Variants in SDK2 observed in about 807,000 individuals in gnomAD.
SDK2 encodes protein sidekick-2.
A neutral mutation model predicts 253.9 loss-of-function variants in SDK2; 105 were observed. The ratio of observed to expected loss-of-function variants is 0.41; its 90% CI spans 0.35 to 0.49. The LOEUF is 0.49. SDK2 is among the 20% of genes least tolerant of loss of function. The probability of loss-of-function intolerance (pLI) is 0.06; values close to 1 mark genes in which losing one functional copy is unlikely to be tolerated. For synonymous variants in SDK2, 1,249 were observed against 1,234.9 expected (o/e 1.01, Z -0.24); for missense variants, 2,608 against 3,003.0 (o/e 0.87, Z 3.07).
At chr17:73,382,509 G>A (rs2062839086) in intron 33 of SDK2, among the ~76,000 whole-genome samples, 2 of 151,880 alleles carry the variant, frequency 1.3e-5, no homozygotes, top group African/African-American at 4.8e-5. Context: ...TGAGCCACTG[G>A]GAAAACCTCA....
intron 1 of SDK2, among the ~76,000 whole-genome samples, chr17:73,608,875 AG>A (rs1483050270): frequency 1.1e-4 from 16 of 152,222 alleles, no homozygotes; most frequent in Non-Finnish European, 1.3e-4. Flanking sequence ...AGGTGACTGC[AG>A]TGGCTCAGGA....
At chr17:73,367,255 C>G (rs1434969131) in intron 37 of SDK2, among the ~76,000 whole-genome samples, 3 of 151,598 alleles carry the variant, frequency 2.0e-5, no homozygotes, top group Non-Finnish European at 4.4e-5. Context: ...ATGATCCACC[C>G]ACCTCGGCCT....
intron 1 of SDK2, among the ~76,000 whole-genome samples, chr17:73,522,018 C>G (rs755308920): frequency 6.6e-6 from 1 of 152,232 alleles, no homozygotes; most frequent in Non-Finnish European, 1.5e-5. Context: ...CACGGCCTCA[C>G]TTTACAGAGG....
rs1189267952 is a variant in SDK2, at chr17:73,394,229, C to T, written c.3688G>A (p.Gly1230Arg). Residue 1230 changes from glycine to arginine, a missense_variant, in exon 26 of 45, where the codon GGG (glycine) becomes AGG (arginine). By Grantham distance (125) the Gly-to-Arg change is moderately radical. Coordinates refer to ENST00000392650, the MANE Select transcript of SDK2 (RefSeq NM_001144952.2). The part of the protein sequence containing the change: ...WSEVPEADRN[G>R]LVLGYKVMYK... ...CTCACCTTATAGCCCAGCACGAGCC[C>T]GTTGCGATCAGCCTCGGGGACCTCG... is the stretch of plus-strand genomic sequence containing the variant. 4 of 1,588,776 alleles carry T rather than the reference C, an allele frequency of 2.5e-6. No individual in the cohort carries two copies. The highest frequency in any genetic ancestry group is 1.3e-5 in the African/African-American group (1 of 74,586).
chr17:73,516,640 T>G (rs1349674018), intron 1 of SDK2: 1 of 152,324 alleles, frequency 6.6e-6, no homozygotes, highest in Non-Finnish European at 1.5e-5. Flanking sequence ...GCTGCCTGCA[T>G]GCCAAGCGCT....
At chr17:73,364,848 C>A (rs375355116) in intron 38 of SDK2, among the ~76,000 whole-genome samples, 1 of 152,086 alleles carries the variant, frequency 6.6e-6, no homozygotes, top group East Asian at 1.9e-4. Flanking sequence ...TCTTGGAACT[C>A]CTGACCTCAG....
intron 1 of SDK2, among the ~76,000 whole-genome samples, chr17:73,514,238 G>A (rs955760678): frequency 2.0e-5 from 3 of 152,176 alleles, no homozygotes; most frequent in African/African-American, 7.2e-5. Context: ...CTTAAATGAA[G>A]AGCGGCCTTC....
chr17:73,635,381 C>T (rs1392544321), intron 1 of SDK2, among the ~76,000 whole-genome samples: 2 of 152,186 alleles, frequency 1.3e-5, no homozygotes, highest in Non-Finnish European at 2.9e-5. Flanking sequence ...GCAAATGAAG[C>T]ATCAGCTCCA....
chr17:73,568,679 A>T (rs2045340910), intron 1 of SDK2, among the ~76,000 whole-genome samples: 1 of 152,224 alleles, frequency 6.6e-6, no homozygotes, highest in Non-Finnish European at 1.5e-5. Flanking sequence ...GAGTGAATGA[A>T]TGCATAAAAA....
At chr17:73,401,915 G>A (rs759984791) in intron 19 of SDK2, 31 bp downstream of exon 19, 22 of 1,519,782 alleles carry the variant, frequency 1.4e-5, no homozygotes, top group East Asian at 9.4e-5. Context: ...GGCGGGGGGG[G>A]GCAGAAAGAG....
intron 1 of SDK2, among the ~76,000 whole-genome samples, chr17:73,589,088 A>C (rs1316395644): frequency 6.6e-6 from 1 of 152,270 alleles, no homozygotes; most frequent in African/African-American, 2.4e-5. Flanking sequence ...GATCTGTTCG[A>C]GCAAGAAAGA....
intron 1 of SDK2, among the ~76,000 whole-genome samples, chr17:73,603,341 G>C (rs1337606698): frequency 6.6e-6 from 1 of 152,220 alleles, no homozygotes; most frequent in Non-Finnish European, 1.5e-5. Context: ...CTGCGCTAGA[G>C]AGAGACTTCT....
chr17:73,556,455 G>C (rs1256379229), intron 1 of SDK2, among the ~76,000 whole-genome samples: 1 of 152,158 alleles, frequency 6.6e-6, no homozygotes, highest in African/African-American at 2.4e-5. Context: ...GGTATGTCTG[G>C]GCAGCCCATC....
At position 73,644,095 on chromosome 17, in the gene SDK2, C is replaced by T. The variant is rs1158257967; in HGVS notation, c.-7G>A. 1.3e-6 allele frequency: 2 copies of T among 1,550,826 alleles called. No individual in the cohort carries two copies. Among genetic ancestry groups the T allele is most frequent in the African/African-American group, 2.7e-5 (2 of 73,044 alleles). On this transcript the variant is annotated 5_prime_UTR_variant, in exon 1 of 45. Transcript: ENST00000392650. This position sits in a 1 kb window ranked among gnomAD's most constrained non-coding sequence, Gnocchi z 6.3. ...AGATCAAAAGCCCCCACATGGTGAC[C>T]AGCCTGGAGAGGGGTCCTCGGGGTC...
intron 1 of SDK2, among the ~76,000 whole-genome samples, chr17:73,571,820 C>G (rs975441944): frequency 1.3e-5 from 2 of 152,224 alleles, no homozygotes; most frequent in Non-Finnish European, 2.9e-5. Context: ...CAGGGGCTCT[C>G]TCCTCCCTGG....
chr17:73,584,944 T>C (rs2045585179), intron 1 of SDK2, among the ~76,000 whole-genome samples: 1 of 152,200 alleles, frequency 6.6e-6, no homozygotes, highest in African/African-American at 2.4e-5. Context: ...TGGCCGTTCA[T>C]CTGTGGTTGC....
Position 73,618,628 on chromosome 17 carries a change from C to T in SDK2, c.64+25397G>A, listed in dbSNP as rs1248122968. Among the ~76,000 whole-genome samples the T allele has an allele frequency of 1.3e-5, 2 of 152,138 alleles. No homozygotes were observed. Among genetic ancestry groups the T allele is most frequent in the Non-Finnish European group, 2.9e-5 (2 of 68,012 alleles). On this transcript the variant is annotated intron_variant, in intron 1 of 44. Transcript: ENST00000392650. The surrounding 1 kb of genome is among the most constrained non-coding windows in gnomAD (Gnocchi z 4.1). ...TTGGAATCTAGAGTCCACGTGGTGC[C>T]CAAGAACGGCATGGGGGAGTCAGGG...
intron 1 of SDK2, among the ~76,000 whole-genome samples, chr17:73,544,271 C>T (rs887576971): frequency 1.3e-5 from 2 of 152,214 alleles, no homozygotes. Context: ...AGGAAACCTT[C>T]CTGGACTCCC....
chr17:73,423,324 A>T, intron 14 of SDK2, 62 bp downstream of exon 14: 1 of 1,317,638 alleles, frequency 7.6e-7, no homozygotes, highest in Non-Finnish European at 9.8e-7. Context: ...ACCCCAGCCC[A>T]GGGCTGACTC....
Sources: gnomAD v4.1 joint callset for allele counts (sites outside exome capture counted in the v4.1 genomes callset) on GRCh38, gnomAD v4.1.1 for gene constraint, Gnocchi (gnomAD v3.1) non-coding constraint, MANE v1.5 for transcripts, NCBI Gene and HGNC (gene_info 2026-07-23, HGNC 2026-07-21) for gene names.